MSL3B: variants seen among roughly 807,000 people sequenced by gnomAD.
MSL3B encodes MSL complex subunit 3B.
the MSL3B span, chr2:233,866,741 G>A: frequency 1.3e-6 from 1 of 797,900 alleles, no homozygotes. Flanking sequence ...CTGCGGCCTG[G>A]ATGGATTCAA....
chr2:233,865,288 A>G, the MSL3B span: 1 of 152,176 alleles, frequency 6.6e-6, no homozygotes, highest in Non-Finnish European at 1.5e-5. Context: ...AGGAATACCT[A>G]CTTTTTCAGG....
the MSL3B span, among the ~76,000 whole-genome samples, chr2:233,867,775 G>A: frequency 6.9e-6 from 1 of 144,258 alleles, no homozygotes; most frequent in African/African-American, 2.6e-5. Context: ...ACCGCGCCCA[G>A]ACCCTAATCT....
At chr2:233,866,651 A>G in the MSL3B span, 3 of 791,160 alleles carry the variant, frequency 3.8e-6, no homozygotes, top group East Asian at 7.3e-5. Flanking sequence ...GGACCGCCTC[A>G]GAGACTGCAC....
At chr2:233,867,531 G>A in the MSL3B span, 27 of 290,092 alleles carry the variant, frequency 9.3e-5, no homozygotes, top group East Asian at 1.6e-3. Context: ...GATGGAGTGC[G>A]GTGGCGCGGT....
the MSL3B span, chr2:233,868,121 T>C: frequency 2.0e-5 from 7 of 351,832 alleles, no homozygotes; most frequent in East Asian, 8.8e-5. Context: ...ACGAAGCACA[T>C]GATCTTCGGC....
the MSL3B span, chr2:233,867,478 TCTTTC>T: frequency 1.4e-5 from 5 of 352,006 alleles, no homozygotes; most frequent in South Asian, 1.5e-4. Flanking sequence ...TTTCTTTCTT[TCTTTC>T]TTTTTTTTGT....
At chr2:233,867,154 C>T in the MSL3B span, 1 of 800,128 alleles carries the variant, frequency 1.2e-6, no homozygotes, top group Non-Finnish European at 2.3e-6. Context: ...GCTGCCTCTT[C>T]AGAACTTCAG....
the MSL3B span, chr2:233,867,366 A>C: frequency 1.7e-6 from 1 of 591,794 alleles, no homozygotes; most frequent in Non-Finnish European, 3.1e-6. Flanking sequence ...AAAAAAAGAC[A>C]GAGTCAGCAC....
chr2:233,864,752 G>A, the MSL3B span, among the ~76,000 whole-genome samples: 1 of 152,122 alleles, frequency 6.6e-6, no homozygotes, highest in Non-Finnish European at 1.5e-5. Context: ...AATGAGATAT[G>A]TTACATTTAT....
At chr2:233,865,607 G>A in the MSL3B span, 1 of 152,558 alleles carries the variant, frequency 6.6e-6, no homozygotes, top group Non-Finnish European at 1.5e-5. Flanking sequence ...ACCGTCAGAA[G>A]CAAATTATAG....
At chr2:233,867,340 G>A in the MSL3B span, 98 of 638,784 alleles carry the variant, frequency 1.5e-4, no homozygotes, top group East Asian at 2.1e-3. Flanking sequence ...TTTTTTCTTC[G>A]ATGGAGAGGC....
the MSL3B span, chr2:233,865,961 G>GTT: frequency 2.8e-6 from 1 of 358,386 alleles, no homozygotes; most frequent in Non-Finnish European, 5.4e-6. Context: ...TCTAAACAGA[G>GTT]TAACTACAGT....
At chr2:233,865,148 T>A in the MSL3B span, among the ~76,000 whole-genome samples, 1 of 152,310 alleles carries the variant, frequency 6.6e-6, no homozygotes, top group East Asian at 1.9e-4. Context: ...GGCTAGCACC[T>A]AAGGAATTTC....
At chr2:233,866,884 C>A in the MSL3B span, 3 of 1,463,230 alleles carry the variant, frequency 2.1e-6, no homozygotes, top group African/African-American at 1.4e-5. Flanking sequence ...GTAAAACCAA[C>A]GGGAGAGTGT....
the MSL3B span, chr2:233,865,968 C>T: frequency 1.9e-5 from 7 of 362,564 alleles, 1 homozygote; most frequent in South Asian, 1.3e-4. Context: ...AGAGTAACTA[C>T]AGTACATGGG....
the MSL3B span, chr2:233,866,577 A>C: frequency 1.1e-6 from 1 of 877,708 alleles, no homozygotes; most frequent in Non-Finnish European, 2.0e-6. Context: ...TCCTGCTGCC[A>C]GCGCTTGGGC....
At chr2:233,866,475 G>A in the MSL3B span, 2 of 1,273,412 alleles carry the variant, frequency 1.6e-6, no homozygotes, top group Non-Finnish European at 2.3e-6. Flanking sequence ...CTCCCTTCCT[G>A]GCTAGGAGTC....
the MSL3B span, chr2:233,866,429 T>C: frequency 1.6e-6 from 2 of 1,229,036 alleles, no homozygotes; most frequent in Non-Finnish European, 1.2e-6. Flanking sequence ...ATTTATTTCA[T>C]TAGTTCTTCT....
At chr2:233,865,026 T>C in the MSL3B span, among the ~76,000 whole-genome samples, 1 of 152,238 alleles carries the variant, frequency 6.6e-6, no homozygotes, top group Non-Finnish European at 1.5e-5. Flanking sequence ...GTATTATCAC[T>C]TTCCTATTTG....
Sources: allele counts gnomAD v4.1 joint callset (sites outside exome capture counted in the v4.1 genomes callset), GRCh38; gene constraint gnomAD v4.1.1; transcripts MANE v1.5; gene names NCBI Gene and HGNC (gene_info 2026-07-23, HGNC 2026-07-21).